EHBP1: variants seen among roughly 807,000 people sequenced by gnomAD.
EHBP1 encodes the protein EH domain binding protein 1.
EHBP1 carries 55 observed loss-of-function variants against 144.0 expected under a neutral mutation model. The ratio of observed to expected loss-of-function variants is 0.38; its 90% CI spans 0.31 to 0.48. The LOEUF (loss-of-function observed/expected upper bound fraction) is 0.48. EHBP1 is among the 20% of genes least tolerant of loss of function. The pLI is 0.98. For missense variants in EHBP1, 1,200 were observed against 1,364.2 expected, an observed-to-expected ratio of 0.88 and a Z score of 1.90; for synonymous variants, 469 against 472.7, an observed-to-expected ratio of 0.99 and a Z score of 0.10.
At chr2:62,782,135 C>T (rs1460724178) in intron 5 of EHBP1, among the ~76,000 whole-genome samples, 3 of 152,144 alleles carry the variant, frequency 2.0e-5, no homozygotes, top group African/African-American at 7.2e-5. Context: ...TTGTCCTAGG[C>T]ACTAGATTTA....
chr2:62,859,087 T>A, intron 7 of EHBP1, 82 bp from the exon 8 acceptor site: 1 of 1,346,408 alleles, frequency 7.4e-7, no homozygotes, highest in Admixed American at 2.1e-5. Flanking sequence ...TCGTGTGAAC[T>A]TTTACCATTT....
chr2:62,797,292 G>T (rs1033126084), intron 5 of EHBP1, among the ~76,000 whole-genome samples: 2 of 152,182 alleles, frequency 1.3e-5, no homozygotes, highest in Admixed American at 1.3e-4. Flanking sequence ...ACAGCATACT[G>T]GATGCCACAC....
At position 63,045,498 on chromosome 2, in the gene EHBP1, TAGCCATC is replaced by T; in HGVS notation, c.*1_*7del. On this transcript the variant is annotated stop_retained_variant and 3_prime_UTR_variant, in exon 23 of 23. Coordinates refer to ENST00000431489, the MANE Select transcript of EHBP1 (RefSeq NM_001142616.3). This position sits in a 1 kb window ranked among gnomAD's most constrained non-coding sequence, Gnocchi z 5.7. ...GAAAGAGGAGAAATGTGTTCTTCAG[TAGCCATC>T]AGATCAGAAAGAATCTCTCCCAACA... is the stretch of plus-strand genomic sequence containing the variant. The T allele has an allele frequency of 6.2e-7, 1 of 1,611,838 alleles. No individual in the cohort carries two copies. The highest frequency in any genetic ancestry group is 8.5e-7 in the Non-Finnish European group (1 of 1,178,386).
chr2:62,909,994 A>G (rs1381407020), intron 10 of EHBP1, among the ~76,000 whole-genome samples: 1 of 152,124 alleles, frequency 6.6e-6, no homozygotes, highest in Non-Finnish European at 1.5e-5. Flanking sequence ...ATCTCAGGTG[A>G]TCCACCTGCC....
At chr2:62,928,840 CAAAAAAAAAA>C (rs760426482) in intron 10 of EHBP1, among the ~76,000 whole-genome samples, 1 of 65,262 alleles carries the variant, frequency 1.5e-5, no homozygotes, top group Non-Finnish European at 3.6e-5. Context: ...AGACTAAGAA[CAAAAAAAAAA>C]AAAAAAGAGA....
At chr2:62,985,754 C>A (rs374663046) in intron 15 of EHBP1, among the ~76,000 whole-genome samples, 3 of 152,180 alleles carry the variant, frequency 2.0e-5, no homozygotes, top group East Asian at 1.9e-4. Context: ...TTTCTCAAGA[C>A]CTAATTTAAA....
intron 10 of EHBP1, among the ~76,000 whole-genome samples, chr2:62,920,990 A>G (rs1433017163): frequency 6.6e-6 from 1 of 152,164 alleles, no homozygotes; most frequent in Non-Finnish European, 1.5e-5. Flanking sequence ...AATTAGATTA[A>G]TTAATGCAAA....
At chr2:62,792,563 A>G (rs1349186886) in intron 5 of EHBP1, among the ~76,000 whole-genome samples, 2 of 152,082 alleles carry the variant, frequency 1.3e-5, no homozygotes, top group Non-Finnish European at 2.9e-5. Context: ...ACTTATTTAT[A>G]TACTATATTT....
At chr2:62,811,520 C>A (rs865787425) in intron 5 of EHBP1, among the ~76,000 whole-genome samples, 1 of 152,004 alleles carries the variant, frequency 6.6e-6, no homozygotes, top group Non-Finnish European at 1.5e-5. Context: ...AATGCCAGGC[C>A]CATAATAGGC....
At chr2:62,677,280 A>G (rs140143541) in intron 1 of EHBP1, among the ~76,000 whole-genome samples, 1 of 152,352 alleles carries the variant, frequency 6.6e-6, no homozygotes, top group African/African-American at 2.4e-5. Context: ...AAGTAAGAAA[A>G]TGGAAATACA....
rs2040942767 is a variant in EHBP1, at chr2:62,763,682, A to G, written c.163-584A>G. On this transcript the variant is annotated intron_variant, in intron 3 of 22. Coordinates refer to ENST00000431489, the MANE Select transcript of EHBP1 (RefSeq NM_001142616.3). Reference sequence around the variant, plus strand: ...GTTACCCCCAAATTTTGGAGTGTGGAGGTTCCTTAGGGAACCTTGATAATC... The same window carrying G: ...GTTACCCCCAAATTTTGGAGTGTGGGGGTTCCTTAGGGAACCTTGATAATC... Among the ~76,000 whole-genome samples the G allele has an allele frequency of 4.6e-5, 7 of 152,240 alleles. 1 individual carries two copies. In the South Asian group the frequency reaches 1.4e-3, roughly 32 times the overall value.
intron 6 of EHBP1, among the ~76,000 whole-genome samples, chr2:62,830,316 A>G (rs2046739285): frequency 6.6e-6 from 1 of 151,868 alleles, no homozygotes; most frequent in African/African-American, 2.4e-5. Flanking sequence ...TTGTGTTTTT[A>G]GTAGAGATGG....
At chr2:63,034,916 G>A (rs1216609394) in intron 19 of EHBP1, among the ~76,000 whole-genome samples, 1 of 152,042 alleles carries the variant, frequency 6.6e-6, no homozygotes, top group African/African-American at 2.4e-5. Context: ...TGTCTAAGCT[G>A]AGGAAGTTGC....
intron 1 of EHBP1, among the ~76,000 whole-genome samples, chr2:62,680,547 T>C (rs1323844878): frequency 2.0e-5 from 3 of 152,166 alleles, no homozygotes; most frequent in African/African-American, 7.2e-5. Flanking sequence ...TAAAAATTAT[T>C]GTTGCATTGC....
intron 7 of EHBP1, chr2:62,858,519 G>A (rs2152788973): frequency 1.3e-6 from 2 of 1,580,406 alleles, no homozygotes; most frequent in Non-Finnish European, 8.7e-7. Flanking sequence ...AGGTCTAAGA[G>A]CTTTCCTCCT....
chr2:62,940,175 A>G (rs2056658126), intron 10 of EHBP1: 2 of 357,970 alleles, frequency 5.6e-6, no homozygotes, highest in East Asian at 7.1e-5. Context: ...CTCCCAGAAG[A>G]GCATCCGCAA....
intron 3 of EHBP1, among the ~76,000 whole-genome samples, chr2:62,752,721 T>C (rs2039871936): frequency 6.6e-6 from 1 of 152,176 alleles, no homozygotes; most frequent in South Asian, 2.1e-4. Context: ...TTGATCCCTT[T>C]ACCATTATGT....
intron 10 of EHBP1, among the ~76,000 whole-genome samples, chr2:62,909,605 G>T (rs111571874): frequency 0.021 from 3,235 of 152,314 alleles, 83 homozygotes; most frequent in African/African-American, 0.065. Context: ...AATATGTTTG[G>T]AATCAGAAGG....
rs145365748 is a variant in EHBP1, at chr2:62,903,468, A to G, written c.1185+28936A>G. 1.9e-3 allele frequency among the ~76,000 whole-genome samples: 296 copies of G among 152,338 alleles called. 1 individual carries two copies. Among genetic ancestry groups the G allele is most frequent in the African/African-American group, 6.7e-3 (278 of 41,576 alleles). On this transcript the variant is annotated intron_variant, in intron 10 of 22. Coordinates refer to ENST00000431489, the MANE Select transcript of EHBP1 (RefSeq NM_001142616.3). ...TTTGGAATAAAGAAGAAAAACCTAA[A>G]CATACTGAGTCAGGCCAGGTGCAGT...
Sources: gnomAD v4.1 joint callset for allele counts (sites outside exome capture counted in the v4.1 genomes callset) on GRCh38, gnomAD v4.1.1 for gene constraint, Gnocchi (gnomAD v3.1) non-coding constraint, MANE v1.5 for transcripts, NCBI Gene and HGNC (gene_info 2026-07-23, HGNC 2026-07-21) for gene names.